The following NUP188 variants were observed in gnomAD, a reference collection of about 807,000 sequenced individuals.
NUP188 encodes the protein nucleoporin NUP188.
Under a neutral mutation model 223.0 loss-of-function variants are expected in NUP188, and 97 were observed. The ratio of observed to expected loss-of-function variants is 0.43; its 90% CI spans 0.37 to 0.51. NUP188 has a LOEUF of 0.51. NUP188 is among the 20% of genes least tolerant of loss of function. The pLI, the probability that NUP188 is intolerant of heterozygous loss-of-function variation, is 0.00. For missense variants in NUP188, 1,947 were observed against 2,175.6 expected (o/e 0.89, Z 2.09); for synonymous variants, 869 against 828.0 (o/e 1.05, Z -0.85).
intron 33 of NUP188, 81 bp downstream of exon 33, chr9:128,999,398 G>C: frequency 1.3e-6 from 2 of 1,528,832 alleles, no homozygotes; most frequent in Non-Finnish European, 1.8e-6. Context: ...CTTCAGCTTA[G>C]GGCCACACAT....
Position 129,006,318 on chromosome 9 carries a change from G to A in NUP188, c.5023G>A (p.Val1675Met). 1.2e-6 allele frequency: 2 copies of A among 1,614,216 alleles called. No homozygotes were observed. Among genetic ancestry groups the A allele is most frequent in the Non-Finnish European group, 1.7e-6 (2 of 1,180,036 alleles). The change falls in exon 43 of 44, where the codon GTG becomes ATG. Residue 1675 changes from valine (V) to methionine (M), a missense_variant. Val to Met is a conservative substitution (Grantham distance 21). This residue lies in a region of NUP188 where 905 missense variants were observed against 990.6 expected (regional missense o/e 0.91). Transcript: ENST00000372577. ...GATGCGGTACCTTAGGGACCCGGCT[G>A]TGCACCCCCGGGACAAACAGCGGAT... ...QAMRYLRDPAVHPRDKQRMKQ... is the reference protein window; with the variant it reads ...QAMRYLRDPAMHPRDKQRMKQ...
At position 129,001,620 on chromosome 9, in the gene NUP188, T is replaced by A; in HGVS notation, c.3935T>A (p.Ile1312Asn). Residue 1312 changes from isoleucine to asparagine, a missense_variant, in exon 35 of 44, where the codon ATC (isoleucine) becomes AAC (asparagine). Physicochemically the swap from Ile to Asn is moderately radical, Grantham distance 149 (BLOSUM62 -3). Around this residue, in one of 3 missense-constraint regions of NUP188, gnomAD observed 905 missense variants for 990.6 expected, o/e 0.91. Transcript: ENST00000372577. ...CTGCAGGTAACCCGCAGGCTCCCCA[T>A]CCTACCCACCCTCCTCACCACTCTA... The part of the protein sequence containing the change: ...SWLQVTRRLP[I>N]LPTLLTTLEV... The A allele has an allele frequency of 6.2e-7, 1 of 1,613,954 alleles. No individual in the cohort carries two copies. The highest frequency in any genetic ancestry group is 8.5e-7 in the Non-Finnish European group (1 of 1,179,958).
At chr9:128,994,315 G>A (rs1266157261) in intron 27 of NUP188, 58 bp from the exon 28 acceptor site, 4 of 1,173,076 alleles carry the variant, frequency 3.4e-6, no homozygotes, top group African/African-American at 1.5e-5. Context: ...CTTGAGAGAG[G>A]AGAAAATGAC....
At chr9:128,964,824 A>G (rs1842005665) in intron 8 of NUP188, among the ~76,000 whole-genome samples, 1 of 149,680 alleles carries the variant, frequency 6.7e-6, no homozygotes, top group Non-Finnish European at 1.5e-5. Context: ...TGCTGCCTCC[A>G]GCCTCCCGAG....
At chr9:128,990,253 C>G (rs777738524) in intron 25 of NUP188, 27 bp downstream of exon 25, 1 of 1,542,772 alleles carries the variant, frequency 6.5e-7, no homozygotes, top group African/African-American at 1.4e-5. Context: ...TGCACACACA[C>G]TGTTTATATG....
intron 12 of NUP188, among the ~76,000 whole-genome samples, chr9:128,977,648 G>GATGA (rs1842194638): frequency 6.6e-6 from 1 of 152,032 alleles, no homozygotes; most frequent in Non-Finnish European, 1.5e-5. Flanking sequence ...AAATGGCAGA[G>GATGA]ATGAGCTGGG....
intron 30 of NUP188, 26 bp from the exon 31 acceptor site, chr9:128,998,125 T>C: frequency 6.3e-7 from 1 of 1,598,686 alleles, no homozygotes; most frequent in Non-Finnish European, 8.6e-7. Flanking sequence ...TTTTCCCAGC[T>C]GAAACCTTTT....
chr9:129,005,379 C>A lies in NUP188; in HGVS notation c.4586C>A (p.Pro1529His), dbSNP rs771282259. 2 of 1,613,408 alleles carry A rather than the reference C, an allele frequency of 1.2e-6. No individual in the cohort carries two copies. The highest frequency in any genetic ancestry group is 1.1e-5 in the South Asian group (1 of 91,080). ...CCACCGTCTGCTGCTTCTGCTGCCC[C>A]CTCCTCCTCAAAGCAGCCCGCTGCT... ...QRPPSAASAA[P>H]SSSKQPAADT... The change falls in exon 40 of 44, where the codon CCC (proline) becomes CAC (histidine). Residue 1529 changes from proline (P) to histidine (H), a missense_variant. Transcript: ENST00000372577.
chr9:128,952,132 A>G (rs1319444328), intron 2 of NUP188, among the ~76,000 whole-genome samples: 2 of 152,112 alleles, frequency 1.3e-5, no homozygotes, highest in African/African-American at 2.4e-5. Flanking sequence ...GGCCGGGCGC[A>G]GTGGCTCACA....
chr9:129,006,330 G>GACAA lies in NUP188; in HGVS notation c.5039_5042dup (p.Arg1682ThrfsTer10). On this transcript the variant is annotated frameshift_variant, in exon 43 of 44. Transcript: ENST00000372577. LOFTEE classifies it high-confidence loss of function. ...TAGGGACCCGGCTGTGCACCCCCGG[G>GACAA]ACAAACAGCGGATGAAGCAGGAGCT... The GACAA allele has an allele frequency of 6.2e-7, 1 of 1,614,198 alleles. No homozygotes were observed. The highest frequency in any genetic ancestry group is 8.5e-7 in the Non-Finnish European group (1 of 1,180,038).
In NUP188 at chr9:128,995,507, C is replaced by T; in HGVS notation, c.3344C>T (p.Thr1115Ile). 6.3e-7 allele frequency: 1 copy of T among 1,592,420 alleles called. No individual in the cohort carries two copies. Among genetic ancestry groups the T allele is most frequent in the South Asian group, 1.1e-5 (1 of 87,060 alleles). ...SAWRMLLIIA[T>I]THADIMHLTD... Reference sequence around the variant, plus strand: ...TGGAGGATGCTTCTCATCATTGCCACCACTCATGTAAGACCCTTTTGGGGA... The same window carrying T: ...TGGAGGATGCTTCTCATCATTGCCATCACTCATGTAAGACCCTTTTGGGGA... The change falls in exon 30 of 44, where the codon ACC becomes ATC. Residue 1115 changes from threonine to isoleucine, a missense_variant. Transcript: ENST00000372577.
At chr9:128,997,218 G>C (rs1362647255) in intron 30 of NUP188, among the ~76,000 whole-genome samples, 2 of 152,164 alleles carry the variant, frequency 1.3e-5, no homozygotes, top group African/African-American at 2.4e-5. Context: ...CAAAGTTCCA[G>C]CAGTGGAAAA....
At chr9:129,005,816 TC>T (rs1253496533) in intron 41 of NUP188, 40 bp downstream of exon 41, 14 of 1,551,276 alleles carry the variant, frequency 9.0e-6, no homozygotes, top group Non-Finnish European at 1.2e-5. Flanking sequence ...TCCCCCCGGC[TC>T]CTCCCCCTGC....
intron 26 of NUP188, 36 bp from the exon 27 acceptor site, chr9:128,993,489 C>T (rs1288439131): frequency 6.2e-7 from 1 of 1,613,506 alleles, no homozygotes. Flanking sequence ...CTGGCAGTGG[C>T]TGTGGAACTG....
At chr9:128,959,193 T>A in intron 8 of NUP188, 59 bp downstream of exon 8, 1 of 1,394,746 alleles carries the variant, frequency 7.2e-7, no homozygotes, top group Non-Finnish European at 9.6e-7. Flanking sequence ...TTTCCCTCTG[T>A]CACCCAGGCT....
intron 1 of NUP188, 115 bp downstream of exon 1, chr9:128,947,866 C>CCGGGGT: frequency 9.7e-7 from 1 of 1,027,400 alleles, no homozygotes; most frequent in Non-Finnish European, 1.3e-6. Flanking sequence ...CCAACCCCGG[C>CCGGGGT]TGGATGGACG....
At chr9:128,953,724 T>C (rs919467561) in intron 3 of NUP188, among the ~76,000 whole-genome samples, 4 of 152,212 alleles carry the variant, frequency 2.6e-5, no homozygotes, top group African/African-American at 9.6e-5. Flanking sequence ...GTTTCCATTT[T>C]ACCAGTGGGG....
chr9:129,004,899 G>C, intron 38 of NUP188: 1 of 560,370 alleles, frequency 1.8e-6, no homozygotes, highest in Non-Finnish European at 3.2e-6. Context: ...CAAGTTTGTA[G>C]CCCTGAGTAC....
At chr9:129,005,881 A>G in intron 41 of NUP188, 105 bp downstream of exon 41, 1 of 1,458,354 alleles carries the variant, frequency 6.9e-7, no homozygotes. Flanking sequence ...TAGCCTCCCA[A>G]GCCTGCTCCT....
Sources: allele counts gnomAD v4.1 joint callset (sites outside exome capture counted in the v4.1 genomes callset), GRCh38; gene constraint gnomAD v4.1.1; regional missense constraint gnomAD v4.1.1; transcripts MANE v1.5; gene names NCBI Gene and HGNC (gene_info 2026-07-23, HGNC 2026-07-21).